Variants in FAT4 observed in about 807,000 individuals in gnomAD.
FAT4 encodes the protein FAT atypical cadherin 4.
In FAT4, 84 loss-of-function variants were observed where a neutral mutation model predicts 303.9. That is an observed-to-expected ratio of 0.28 (90% CI 0.23 to 0.33). The LOEUF (loss-of-function observed/expected upper bound fraction) is 0.33. Ranked by LOEUF, FAT4 falls within the 10% of genes least tolerant of loss-of-function variation. The pLI is 1.00. For missense variants in FAT4, 6,005 were observed against 6,146.8 expected, an observed-to-expected ratio of 0.98 and a Z score of 0.77; for synonymous variants, 2,307 against 2,298.8, an observed-to-expected ratio of 1.00 and a Z score of -0.10.
intron 2 of FAT4, among the ~76,000 whole-genome samples, chr4:125,394,938 C>G (rs1734109705): frequency 6.6e-6 from 1 of 152,112 alleles, no homozygotes; most frequent in South Asian, 2.1e-4. Flanking sequence ...GTCTTATTTT[C>G]TTTTATATAT....
rs771110417 is a variant in FAT4, at chr4:125,320,867, C to T, written c.4456C>T (p.Arg1486Trp). 1.9e-5 allele frequency: 30 copies of T among 1,614,024 alleles called. No homozygotes were observed. Among genetic ancestry groups the T allele is most frequent in the African/African-American group, 4.0e-5 (3 of 74,926 alleles). Residue 1486 changes from arginine to tryptophan, a missense_variant, in exon 2 of 18, where the codon CGG (arginine) becomes TGG (tryptophan). By Grantham distance (101) the Arg-to-Trp change is moderately radical (BLOSUM62 -3). Transcript: ENST00000394329. ...GTIYTNAEID[R>W]EFANLFELTV... ...TATATATACTAATGCTGAAATAGAT[C>T]GGGAATTTGCTAATCTCTTTGAGTT...
chr4:125,489,715 G>T (rs1727537434), intron 17 of FAT4, among the ~76,000 whole-genome samples, 186 bp from the exon 18 acceptor site: 2 of 152,060 alleles, frequency 1.3e-5, no homozygotes, highest in Admixed American at 1.3e-4. Context: ...ACCTTGCTAA[G>T]TTATAAGATG....
At chr4:125,465,567 A>G (rs1000283438) in intron 11 of FAT4, among the ~76,000 whole-genome samples, 2 of 152,198 alleles carry the variant, frequency 1.3e-5, no homozygotes, top group African/African-American at 4.8e-5. Flanking sequence ...GGGATTTAAG[A>G]AAATTGATAC....
intron 2 of FAT4, among the ~76,000 whole-genome samples, chr4:125,353,315 T>C (rs1479465181): frequency 6.6e-6 from 1 of 151,754 alleles, no homozygotes; most frequent in Non-Finnish European, 1.5e-5. Flanking sequence ...AAAGAAACTA[T>C]TCATTGCCTG....
At position 125,452,483 on chromosome 4, in the gene FAT4, G is replaced by C; in HGVS notation, c.11473G>C (p.Val3825Leu). Residue 3825 changes from valine (V) to leucine (L), a missense_variant, in exon 10 of 18, where the codon GTG becomes CTG. Val to Leu is a conservative substitution (Grantham distance 32, BLOSUM62 1). Coordinates refer to ENST00000394329, the MANE Select transcript of FAT4 (RefSeq NM_001291303.3). Reference sequence around the variant, plus strand: ...AGGGAGCTGTCTACGAAGATTGGCTGTGAGCTCCGTATTAAAAAGCCGTGA... The same window carrying C: ...AGGGAGCTGTCTACGAAGATTGGCTCTGAGCTCCGTATTAAAAAGCCGTGA... ...NGGSCLRRLA[V>L]SSVLKSRESL... is the part of the protein sequence containing the mutation. 6.2e-7 allele frequency: 1 copy of C among 1,613,980 alleles called. No individual in the cohort carries two copies. The highest frequency in any genetic ancestry group is 8.5e-7 in the Non-Finnish European group (1 of 1,180,020).
rs537453282 is a variant in FAT4 at position 125,320,384 on chromosome 4, T to C, written c.3973T>C (p.Leu1325=). 1.9e-6 allele frequency: 3 copies of C among 1,614,132 alleles called. No homozygotes were observed. The highest frequency in any genetic ancestry group is 2.7e-5 in the African/African-American group (2 of 75,060). Residue 1325 remains leucine (L), a synonymous_variant, in exon 2 of 18, where the codon TTG becomes CTG. Coordinates refer to ENST00000394329, the MANE Select transcript of FAT4 (RefSeq NM_001291303.3). Reference sequence around the variant, plus strand: ...TAAATCAACACTCTTTGTTGATGTTTTGGAAAACATGAGAATTGGTGAACT... The same window carrying C: ...TAAATCAACACTCTTTGTTGATGTTCTGGAAAACATGAGAATTGGTGAACT... ...FPKSTLFVDV[L]ENMRIGELVS...
At chr4:125,465,234 T>C (rs2126073100) in intron 11 of FAT4, among the ~76,000 whole-genome samples, 1 of 152,254 alleles carries the variant, frequency 6.6e-6, no homozygotes, top group African/African-American at 2.4e-5. Context: ...ACAGAACCCC[T>C]TTTTATACAA....
chr4:125,477,004 A>T, intron 13 of FAT4, 151 bp from the exon 14 acceptor site: 1 of 476,898 alleles, frequency 2.1e-6, no homozygotes, highest in Non-Finnish European at 3.4e-6. Context: ...CTGTGTGTGT[A>T]TTGGACACTC....
chr4:125,443,904 T>C (rs1262394886), intron 8 of FAT4, among the ~76,000 whole-genome samples: 1 of 152,146 alleles, frequency 6.6e-6, no homozygotes, highest in Non-Finnish European at 1.5e-5. Flanking sequence ...TTGTGTTTCT[T>C]CTATTTTTAA....
At position 125,476,196 on chromosome 4, in the gene FAT4, G is replaced by A. The variant is rs1035408196; in HGVS notation, c.12239G>A (p.Cys4080Tyr). Reference protein sequence around the residue: ...GMAASLTVDSCSENQEPGYCT... With the variant: ...GMAASLTVDSYSENQEPGYCT... Reference sequence around the variant, plus strand: ...GCAGCCTCCTTAACTGTGGACTCCTGTTCTGAGAACCAAGAGCCAGGATAT... The same window carrying A: ...GCAGCCTCCTTAACTGTGGACTCCTATTCTGAGAACCAAGAGCCAGGATAT... The change falls in exon 13 of 18, where the codon TGT becomes TAT. Residue 4080 changes from cysteine (C) to tyrosine (Y), a missense_variant. Transcript: ENST00000394329. 6.2e-7 allele frequency: 1 copy of A among 1,602,460 alleles called. No homozygotes were observed. Among genetic ancestry groups the A allele is most frequent in the Admixed American group, 1.7e-5 (1 of 59,692 alleles).
rs1287045286 is a variant in FAT4, at chr4:125,398,635, T to C, written c.5176-149T>C. ...GTGTAAAGATTTCACAACTTTTCCCTAGGGGTAGTTTCTGTTGTTTGGATG... is the reference window on the plus strand; with the variant it reads ...GTGTAAAGATTTCACAACTTTTCCCCAGGGGTAGTTTCTGTTGTTTGGATG... On this transcript the variant is annotated intron_variant, in intron 2 of 17. Coordinates refer to ENST00000394329, the MANE Select transcript of FAT4 (RefSeq NM_001291303.3). The C allele has an allele frequency of 4.4e-6, 3 of 686,386 alleles. No homozygotes were observed. In the African/African-American group the frequency reaches 5.4e-5, roughly 12 times the overall value. 42.5% of individuals were successfully genotyped at this position (686,386 alleles called of 1,614,324 possible). A position where few individuals can be genotyped will look rare whatever the true frequency, so the allele number is the denominator to read the frequency against.
At chr4:125,419,092 C>T (rs1313750029) in intron 7 of FAT4, among the ~76,000 whole-genome samples, 5 of 152,134 alleles carry the variant, frequency 3.3e-5, no homozygotes, top group African/African-American at 9.7e-5. Context: ...TGACCTTCAA[C>T]AACTTTACTA....
chr4:125,491,776 G>C lies in FAT4; in HGVS notation c.*8G>C, dbSNP rs993176411. 2 of 1,586,856 alleles carry C rather than the reference G, an allele frequency of 1.3e-6. No homozygotes were observed. Among genetic ancestry groups the C allele is most frequent in the African/African-American group, 2.7e-5 (2 of 73,310 alleles). On this transcript the variant is annotated 3_prime_UTR_variant, in exon 18 of 18. Transcript: ENST00000394329. ...GCAGAACAGTATGTGTGAAGTTTATGTACTGGCACTATAAAATATAAAAAC... is the reference window on the plus strand; with the variant it reads ...GCAGAACAGTATGTGTGAAGTTTATCTACTGGCACTATAAAATATAAAAAC...
At chr4:125,372,363 C>CA (rs200201646) in intron 2 of FAT4, among the ~76,000 whole-genome samples, 23,045 of 86,018 alleles carry the variant, frequency 0.27, 2,312 homozygotes, top group African/African-American at 0.41. Flanking sequence ...GACCCTGTTT[C>CA]AAAAAAAAAA....
intron 2 of FAT4, among the ~76,000 whole-genome samples, chr4:125,349,990 T>G (rs961739572): frequency 1.3e-5 from 2 of 151,762 alleles, no homozygotes; most frequent in African/African-American, 4.8e-5. Context: ...TATGTATGGA[T>G]CTATTAATTT....
chr4:125,417,881 C>G (rs992540565), intron 7 of FAT4, among the ~76,000 whole-genome samples: 2 of 152,116 alleles, frequency 1.3e-5, no homozygotes, highest in Non-Finnish European at 2.9e-5. Context: ...CTGAAGTTCA[C>G]TTTTATGAGT....
In FAT4 at chr4:125,336,155, A is replaced by C. The variant is rs986773962; in HGVS notation, c.5175+14569A>C. On this transcript the variant is annotated intron_variant, in intron 2 of 17. Transcript: ENST00000394329. ...TTTAAGGAAATTATTAAGGAACTGC[A>C]TTAAAAATAACTCTGTGGTAATTTT... Among the ~76,000 whole-genome samples, 6 of 152,226 alleles carry C rather than the reference A, an allele frequency of 3.9e-5. No homozygotes were observed. The South Asian group carries it at 1.0e-3, about 26-fold the overall frequency.
At chr4:125,484,688 G>A (rs978842575) in intron 16 of FAT4, among the ~76,000 whole-genome samples, 2 of 152,086 alleles carry the variant, frequency 1.3e-5, no homozygotes, top group African/African-American at 4.8e-5. Context: ...TATACACCTA[G>A]GCTATATGGA....
intron 2 of FAT4, among the ~76,000 whole-genome samples, chr4:125,328,414 A>C (rs1474561513): frequency 6.6e-6 from 1 of 152,200 alleles, no homozygotes; most frequent in African/African-American, 2.4e-5. Context: ...TATATGTGGT[A>C]ATTAAACAGT....
Sources: allele counts gnomAD v4.1 joint callset (sites outside exome capture counted in the v4.1 genomes callset), GRCh38; gene constraint gnomAD v4.1.1; transcripts MANE v1.5; gene names NCBI Gene and HGNC (gene_info 2026-07-23, HGNC 2026-07-21).